Variants in HNF4G observed in about 807,000 individuals in gnomAD.
HNF4G encodes hepatocyte nuclear factor 4-gamma.
A neutral mutation model predicts 50.9 loss-of-function variants in HNF4G; 21 were observed. The observed-to-expected ratio is 0.41, with a 90% confidence interval of 0.29 to 0.59. The LOEUF (loss-of-function observed/expected upper bound fraction) is 0.59, where lower values mean the gene tolerates loss of function less well. Ranked by LOEUF, HNF4G falls within the 20% of genes least tolerant of loss-of-function variation. HNF4G has a pLI of 0.26. For missense variants in HNF4G, 527 were observed against 559.4 expected (o/e 0.94, Z 0.58); for synonymous variants, 198 against 185.6 (o/e 1.07, Z -0.54).
intron 2 of HNF4G, among the ~76,000 whole-genome samples, chr8:75,493,818 T>C (rs2130688730): frequency 6.6e-6 from 1 of 152,272 alleles, no homozygotes; most frequent in East Asian, 1.9e-4. Context: ...TAAGCCTGAT[T>C]ATGTTTTAAT....
chr8:75,538,151 T>A (rs1585934751), upstream of HNF4G, among the ~76,000 whole-genome samples: 1 of 152,222 alleles, frequency 6.6e-6, no homozygotes, highest in East Asian at 1.9e-4. Flanking sequence ...TCTTACTCTA[T>A]GAAATGAAGA....
chr8:75,416,164 T>C (rs1300147758), intron 1 of HNF4G, among the ~76,000 whole-genome samples: 1 of 152,220 alleles, frequency 6.6e-6, no homozygotes, highest in Non-Finnish European at 1.5e-5. Flanking sequence ...TTTGTTGTTT[T>C]ATTTTTAATG....
intron 1 of HNF4G, among the ~76,000 whole-genome samples, chr8:75,484,820 G>C (rs981464793): frequency 6.6e-6 from 1 of 152,166 alleles, no homozygotes; most frequent in Non-Finnish European, 1.5e-5. Context: ...CACTCTCTGA[G>C]CACTTTTGAC....
intron 2 of HNF4G, among the ~76,000 whole-genome samples, chr8:75,491,545 G>T (rs567375008): frequency 6.6e-6 from 1 of 151,366 alleles, no homozygotes; most frequent in Non-Finnish European, 1.5e-5. Context: ...TGCGATCTCC[G>T]CTCACTGCAA....
At chr8:75,541,794 TA>T (rs1483046862) in intron 1 of HNF4G, among the ~76,000 whole-genome samples, 2 of 152,068 alleles carry the variant, frequency 1.3e-5, no homozygotes, top group Non-Finnish European at 2.9e-5. Context: ...TATCTACATT[TA>T]AAAAATAATT....
intron 2 of HNF4G, among the ~76,000 whole-genome samples, chr8:75,531,900 A>T (rs74757166): frequency 0.034 from 5,225 of 152,158 alleles, 113 homozygotes; most frequent in South Asian, 0.056. Flanking sequence ...CATTGGCCAT[A>T]TACACCAAAT....
chr8:75,475,436 A>G (rs953633751), intron 1 of HNF4G, among the ~76,000 whole-genome samples: 1 of 152,078 alleles, frequency 6.6e-6, no homozygotes. Flanking sequence ...ACATGTGTAT[A>G]TGAGTCTATA....
At chr8:75,501,563 T>C (rs576515039) in intron 2 of HNF4G, among the ~76,000 whole-genome samples, 2 of 152,298 alleles carry the variant, frequency 1.3e-5, no homozygotes, top group Non-Finnish European at 2.9e-5. Context: ...TGAAAAATTA[T>C]TGTTGAAGAG....
intron 1 of HNF4G, among the ~76,000 whole-genome samples, chr8:75,436,542 G>A (rs934980241): frequency 6.6e-6 from 1 of 152,092 alleles, no homozygotes; most frequent in East Asian, 1.9e-4. Flanking sequence ...GTAGTTGCCC[G>A]AACAAAAGAT....
At chr8:75,530,819 G>A (rs1450872522) in intron 2 of HNF4G, among the ~76,000 whole-genome samples, 1 of 137,024 alleles carries the variant, frequency 7.3e-6, no homozygotes, top group African/African-American at 3.0e-5. Context: ...TTGAGACAGG[G>A]TCTCACTCTG....
intron 9 of HNF4G, among the ~76,000 whole-genome samples, chr8:75,560,912 G>T (rs528715912): frequency 1.3e-5 from 2 of 152,158 alleles, no homozygotes; most frequent in East Asian, 3.9e-4. Context: ...TTATTTTGTA[G>T]AATTCAATAC....
intron 1 of HNF4G, among the ~76,000 whole-genome samples, chr8:75,480,843 C>CG (rs1441304476): frequency 6.6e-6 from 1 of 151,578 alleles, no homozygotes; most frequent in Non-Finnish European, 1.5e-5. Context: ...CCCGAGTAAC[C>CG]GGGACTACAT....
rs933030270 is a variant in HNF4G, at chr8:75,423,402, C to T, written c.-144+15240C>T. ...TTGCCCAGGCTGGAGTGCAGTGGCA[C>T]GATCTGGGGCGATCTTGGTGCACTG... On this transcript the variant is annotated intron_variant, in intron 1 of 10. Coordinates refer to the HNF4G transcript ENST00000354370. 2.9e-5 allele frequency among the ~76,000 whole-genome samples: 4 copies of T among 135,874 alleles called. No individual in the cohort carries two copies. The East Asian group carries it at 6.9e-4, about 24-fold the overall frequency. 89.1% of individuals were successfully genotyped at this position (135,874 alleles called of 152,430 possible).
chr8:75,547,587 G>A lies in HNF4G; in HGVS notation c.288G>A (p.Arg96=). The A allele has an allele frequency of 1.9e-6, 3 of 1,597,742 alleles. No homozygotes were observed. Among genetic ancestry groups the A allele is most frequent in the Non-Finnish European group, 1.7e-6 (2 of 1,165,596 alleles). ...SIRKSHVYSC[R]FSRQCVVDKD... ...AAACTGATATATCTTTATGTTATAG[G>A]TTCAGTCGGCAATGTGTTGTTGACA... Residue 96 remains arginine, a splice_region_variant and synonymous_variant, in exon 3 of 10, where the codon AGG becomes AGA. Transcript: ENST00000396423.
chr8:75,555,918 C>G lies in HNF4G; in HGVS notation c.646-64C>G, dbSNP rs190371097. ...TAAAGAACACTCTAAGTTAACAAGA[C>G]TCATGTCATCTTTTAATCATTATAT... On this transcript the variant is annotated intron_variant, in intron 5 of 9. Transcript: ENST00000396423. 11 of 896,236 alleles carry G rather than the reference C, an allele frequency of 1.2e-5. No homozygotes were observed. In the African/African-American group the frequency reaches 1.5e-4, roughly 13 times the overall value. The allele number at this position is 896,236 out of a possible 1,614,324, so 55.5% of individuals were successfully genotyped here. A position where few individuals can be genotyped will look rare whatever the true frequency, so the allele number is the denominator to read the frequency against.
intron 1 of HNF4G, among the ~76,000 whole-genome samples, chr8:75,425,544 A>G (rs142677716): frequency 2.4e-4 from 35 of 147,626 alleles, no homozygotes; most frequent in African/African-American, 8.4e-4. Flanking sequence ...CATACACACA[A>G]ATTTTTACAT....
chr8:75,436,613 A>G (rs1811147734), intron 1 of HNF4G, among the ~76,000 whole-genome samples: 2 of 152,198 alleles, frequency 1.3e-5, no homozygotes, highest in South Asian at 2.1e-4. Flanking sequence ...CACGCTTTAA[A>G]TTCAATTCCA....
intron 1 of HNF4G, among the ~76,000 whole-genome samples, chr8:75,429,684 T>C (rs1280944362): frequency 6.6e-6 from 1 of 152,118 alleles, no homozygotes; most frequent in Non-Finnish European, 1.5e-5. Flanking sequence ...CACAGCTCTG[T>C]GTTTTGTTCC....
chr8:75,564,837 C>A lies in HNF4G; in HGVS notation c.*741C>A, dbSNP rs1563558283. The A allele has an allele frequency of 6.6e-6, 1 of 152,148 alleles. No individual in the cohort carries two copies. Among genetic ancestry groups the A allele is most frequent in the Admixed American group, 6.6e-5 (1 of 15,266 alleles). The allele number at this position is 152,148 out of a possible 1,614,324, so 9.4% of individuals were successfully genotyped here. On this transcript the variant is annotated 3_prime_UTR_variant, in exon 10 of 10. Coordinates refer to ENST00000396423, the MANE Select transcript of HNF4G (RefSeq NM_004133.5). ...ACTAAATCAAGAGAGGAATCTATTTCTTTCTCCTGAAACAATTTAGAAAAT... is the reference window on the plus strand; with the variant it reads ...ACTAAATCAAGAGAGGAATCTATTTATTTCTCCTGAAACAATTTAGAAAAT...
Sources: allele counts gnomAD v4.1 joint callset (sites outside exome capture counted in the v4.1 genomes callset), GRCh38; gene constraint gnomAD v4.1.1; transcripts MANE v1.5; gene names NCBI Gene and HGNC (gene_info 2026-07-23, HGNC 2026-07-21).